The following NDUFAF7 variants were observed in gnomAD, a reference collection of about 807,000 sequenced individuals.
NDUFAF7 encodes the protein NADH:ubiquinone oxidoreductase complex assembly factor 7.
Under a neutral mutation model 47.2 loss-of-function variants are expected in NDUFAF7, and 48 were observed. That is an observed-to-expected ratio of 1.02 (90% CI 0.81 to 1.29). The LOEUF (loss-of-function observed/expected upper bound fraction) is 1.29. Ranked by LOEUF, NDUFAF7 falls within the 50% of genes most tolerant of loss-of-function variation. NDUFAF7 has a pLI of 0.00. For missense variants in NDUFAF7, 635 were observed against 537.6 expected (o/e 1.18, Z -1.79); for synonymous variants, 217 against 190.0 (o/e 1.14, Z -1.17).
At chr2:37,252,155 A>G (rs1667551674), downstream of NDUFAF7, 1 of 152,190 alleles carries the variant, frequency 6.6e-6, no homozygotes, top group South Asian at 2.1e-4. Context: ...AACACTCCAG[A>G]TATCTGCAAA....
chr2:37,255,054 A>G (rs926255212), downstream of NDUFAF7, among the ~76,000 whole-genome samples: 1 of 152,236 alleles, frequency 6.6e-6, no homozygotes, highest in Non-Finnish European at 1.5e-5. Flanking sequence ...AAAGACTTGT[A>G]CCATCCTAGT....
the NDUFAF7 span, chr2:37,267,429 C>A: frequency 6.4e-7 from 1 of 1,554,588 alleles, no homozygotes; most frequent in Non-Finnish European, 8.8e-7. Context: ...TTTATTTTTA[C>A]CTGTAAAATA....
chr2:37,248,444 AT>A lies in NDUFAF7; in HGVS notation c.*98del. The stretch of plus-strand genomic sequence containing the variant: ...TACTGCAGGTAACAAAAGTCAAAGT[AT>A]TTTATCTTTTCACAGCAAGAACAGT... On this transcript the variant is annotated 3_prime_UTR_variant, in exon 10 of 10. Transcript: ENST00000002125. The A allele has an allele frequency of 8.2e-7, 1 of 1,216,018 alleles. No individual in the cohort carries two copies. The highest frequency in any genetic ancestry group is 1.2e-6 in the Non-Finnish European group (1 of 823,846). 75.3% of individuals were successfully genotyped at this position (1,216,018 alleles called of 1,614,324 possible). A position where few individuals can be genotyped will look rare whatever the true frequency, so the allele number is the denominator to read the frequency against.
the NDUFAF7 span, among the ~76,000 whole-genome samples, chr2:37,264,287 TC>T: frequency 2.0e-5 from 3 of 152,230 alleles, no homozygotes; most frequent in Non-Finnish European, 4.4e-5. Context: ...TATTGTAATT[TC>T]CCACATAATA....
chr2:37,269,634 C>A, the NDUFAF7 span: 1 of 1,612,892 alleles, frequency 6.2e-7, no homozygotes, highest in Non-Finnish European at 8.5e-7. Context: ...CGATGCCAAA[C>A]TGGCCTGAAC....
chr2:37,251,644 G>A (rs1402008154), downstream of NDUFAF7: 1 of 151,684 alleles, frequency 6.6e-6, no homozygotes, highest in African/African-American at 2.4e-5. Flanking sequence ...CTCAAATTCG[G>A]TGGGCAACGA....
chr2:37,241,804 A>T lies in NDUFAF7; in HGVS notation c.622+13A>T. 1 of 1,600,344 alleles carries T rather than the reference A, an allele frequency of 6.2e-7. No individual in the cohort carries two copies. Among genetic ancestry groups the T allele is most frequent in the Non-Finnish European group, 8.5e-7 (1 of 1,169,792 alleles). On this transcript the variant is annotated intron_variant, in intron 5 of 9. Coordinates refer to ENST00000002125, the MANE Select transcript of NDUFAF7 (RefSeq NM_144736.5). Reference sequence around the variant, plus strand: ...GATGTTCCAAAAGGTAATTACCTTTATGTGGATTAATGAAAGAATTTTGAT... The same window carrying T: ...GATGTTCCAAAAGGTAATTACCTTTTTGTGGATTAATGAAAGAATTTTGAT...
downstream of NDUFAF7, among the ~76,000 whole-genome samples, chr2:37,256,127 G>A (rs528023294): frequency 3.9e-5 from 6 of 152,304 alleles, no homozygotes; most frequent in African/African-American, 1.2e-4. Context: ...AGGGGTCCTC[G>A]AATTTTAATA....
chr2:37,268,146 A>G, the NDUFAF7 span: 2 of 353,852 alleles, frequency 5.7e-6, no homozygotes, highest in Admixed American at 4.0e-5. Flanking sequence ...TGACAGGTAT[A>G]TTTTTGGTAT....
At chr2:37,264,741 G>C in the NDUFAF7 span, among the ~76,000 whole-genome samples, 24 of 151,872 alleles carry the variant, frequency 1.6e-4, no homozygotes, top group East Asian at 7.7e-4. Flanking sequence ...GCTATTTTTG[G>C]GGGGGAAAAA....
downstream of NDUFAF7, among the ~76,000 whole-genome samples, chr2:37,255,437 A>T (rs1290524511): frequency 2.2e-4 from 34 of 152,168 alleles, 1 homozygote. Flanking sequence ...TGTCCTTCCT[A>T]TCAGTATCAG....
the NDUFAF7 span, among the ~76,000 whole-genome samples, chr2:37,260,756 T>C: frequency 6.6e-6 from 1 of 152,226 alleles, no homozygotes; most frequent in African/African-American, 2.4e-5. Flanking sequence ...CCTTTGACTC[T>C]TGGGGGCTGT....
At chr2:37,260,460 T>C in the NDUFAF7 span, 142 of 1,307,966 alleles carry the variant, frequency 1.1e-4, no homozygotes, top group Non-Finnish European at 1.5e-4. Flanking sequence ...GTGCTATGAT[T>C]GTCTGAAATG....
intron 2 of NDUFAF7, among the ~76,000 whole-genome samples, chr2:37,235,229 C>CATGG (rs1380955550): frequency 2.8e-4 from 42 of 151,216 alleles, no homozygotes; most frequent in Non-Finnish European, 5.9e-5. Context: ...TTTGCAGTGG[C>CATGG]ATGGATGTCT....
downstream of NDUFAF7, among the ~76,000 whole-genome samples, chr2:37,257,745 T>G (rs1572607798): frequency 2.0e-5 from 3 of 152,038 alleles, no homozygotes; most frequent in East Asian, 5.8e-4. Context: ...AGAATCTCTT[T>G]TCCTAAGGAT....
At chr2:37,252,457 C>T (rs1667572668), downstream of NDUFAF7, 1 of 152,156 alleles carries the variant, frequency 6.6e-6, no homozygotes, top group African/African-American at 2.4e-5. Flanking sequence ...CATCATTTGT[C>T]CCTAATTATC....
chr2:37,250,455 A>C (rs2148456778), downstream of NDUFAF7: 1 of 152,334 alleles, frequency 6.6e-6, no homozygotes, highest in African/African-American at 2.4e-5. Flanking sequence ...AGTTTCTGAA[A>C]AAGTTATACT....
the NDUFAF7 span, among the ~76,000 whole-genome samples, chr2:37,261,551 C>T: frequency 6.6e-6 from 1 of 151,898 alleles, no homozygotes; most frequent in East Asian, 1.9e-4. Context: ...GAGGCCAAGG[C>T]AGGCGGATCA....
At chr2:37,234,250 C>T (rs1665507886) in intron 2 of NDUFAF7, among the ~76,000 whole-genome samples, 1 of 152,060 alleles carries the variant, frequency 6.6e-6, no homozygotes, top group Non-Finnish European at 1.5e-5. Flanking sequence ...TTTCCATGCC[C>T]AGCTAGGTTT....
Sources: allele counts gnomAD v4.1 joint callset (sites outside exome capture counted in the v4.1 genomes callset), GRCh38; gene constraint gnomAD v4.1.1; transcripts MANE v1.5; gene names NCBI Gene and HGNC (gene_info 2026-07-23, HGNC 2026-07-21).